CECR2: variants seen among roughly 807,000 people sequenced by gnomAD.
CECR2 encodes the protein chromatin remodeling regulator CECR2.
CECR2 carries 30 observed loss-of-function variants against 154.5 expected under a neutral mutation model. The ratio of observed to expected loss-of-function variants is 0.19; its 90% CI spans 0.15 to 0.26. CECR2 has a LOEUF of 0.26. Ranked by LOEUF, CECR2 falls within the 10% of genes least tolerant of loss-of-function variation. The pLI, the probability that CECR2 is intolerant of heterozygous loss-of-function variation, is 1.00. For missense variants in CECR2, 1,743 were observed against 1,829.3 expected (o/e 0.95, Z 0.86); for synonymous variants, 725 against 683.7 (o/e 1.06, Z -0.94).
intron 1 of CECR2, among the ~76,000 whole-genome samples, chr22:17,407,774 A>G (rs1031013746): frequency 3.9e-5 from 6 of 152,154 alleles, no homozygotes; most frequent in Admixed American, 2.0e-4. Context: ...GCCACAACTC[A>G]GGGGAAGAGG....
intron 1 of CECR2, among the ~76,000 whole-genome samples, chr22:17,407,633 G>A (rs143396104): frequency 6.6e-6 from 1 of 151,916 alleles, no homozygotes; most frequent in Non-Finnish European, 1.5e-5. Context: ...CCTTATTTTA[G>A]CCTCAGGTTT....
chr22:17,378,877 A>T (rs1448356930), intron 1 of CECR2, among the ~76,000 whole-genome samples: 1 of 152,164 alleles, frequency 6.6e-6, no homozygotes, highest in African/African-American at 2.4e-5. Flanking sequence ...AAATTTAAGG[A>T]AGTTAAAGTT....
At chr22:17,444,520 G>A (rs899572360) in intron 1 of CECR2, among the ~76,000 whole-genome samples, 17 of 151,930 alleles carry the variant, frequency 1.1e-4, no homozygotes, top group African/African-American at 7.3e-5. Context: ...CCAGCTACTC[G>A]GGAGACTGAG....
intron 1 of CECR2, among the ~76,000 whole-genome samples, chr22:17,447,033 C>CTGTTTTTGTTTTTTTTTTTTTTTT (rs1339121774): frequency 8.8e-6 from 1 of 114,110 alleles, no homozygotes; most frequent in African/African-American, 3.8e-5. Context: ...CGTTTACAAT[C>CTGTTTTTGTTTTTTTTTTTTTTTT]TTTTTTTTTT....
At chr22:17,458,288 G>A (rs1394552045) in intron 1 of CECR2, among the ~76,000 whole-genome samples, 5 of 152,004 alleles carry the variant, frequency 3.3e-5, no homozygotes, top group African/African-American at 4.8e-5. Flanking sequence ...GGTGGCGGGC[G>A]CCTGTAATCC....
At chr22:17,364,539 C>T (rs1160686771), upstream of CECR2, among the ~76,000 whole-genome samples, 1 of 151,924 alleles carries the variant, frequency 6.6e-6, no homozygotes, top group Non-Finnish European at 1.5e-5. Context: ...AGGCAGCGCA[C>T]AGTGGCTCAC....
chr22:17,386,010 C>T (rs533135963), intron 1 of CECR2, among the ~76,000 whole-genome samples: 16 of 152,284 alleles, frequency 1.1e-4, no homozygotes, highest in African/African-American at 3.4e-4. Flanking sequence ...TGCGGATTAC[C>T]CTACATCATG....
chr22:17,414,059 G>A (rs752039275), intron 1 of CECR2, among the ~76,000 whole-genome samples: 19 of 151,144 alleles, frequency 1.3e-4, no homozygotes, highest in Non-Finnish European at 2.4e-4. Flanking sequence ...TGCAAGCTCC[G>A]CCTCCCAGGT....
chr22:17,493,033 G>A (rs761677896), intron 2 of CECR2, among the ~76,000 whole-genome samples: 113 of 152,168 alleles, frequency 7.4e-4, no homozygotes, highest in Non-Finnish European at 6.9e-4. Flanking sequence ...GTGCAGTGGT[G>A]CAATCTCAGC....
chr22:17,534,317 A>C (rs1157434394), intron 9 of CECR2, among the ~76,000 whole-genome samples: 1 of 152,156 alleles, frequency 6.6e-6, no homozygotes, highest in East Asian at 1.9e-4. Context: ...GGGAGAGAAC[A>C]GTGGTACCAG....
Position 17,542,892 on chromosome 22 carries a change from C to A in CECR2, c.2749C>A (p.Pro917Thr), listed in dbSNP as rs1236274713. 1.2e-6 allele frequency: 2 copies of A among 1,613,990 alleles called. No homozygotes were observed. The highest frequency in any genetic ancestry group is 1.7e-6 in the Non-Finnish European group (2 of 1,179,886). ...ACACCCCCGTTTACCTGGCCCTTTT[C>A]CGCAGGTAGCTCACCCAATGTCAGT... Reference protein sequence around the residue: ...PAHPRLPGPFPQVAHPMSVTV... With the variant: ...PAHPRLPGPFTQVAHPMSVTV... The change falls in exon 16 of 19, where the codon CCG (proline) becomes ACG (threonine). Residue 917 changes from proline (P) to threonine (T), a missense_variant. This residue lies in a region of CECR2 where 1,250 missense variants were observed against 1,192.1 expected (regional missense o/e 1.05). Transcript: ENST00000262608.
At chr22:17,483,096 TGAA>T (rs2055357527) in intron 2 of CECR2, among the ~76,000 whole-genome samples, 1 of 152,240 alleles carries the variant, frequency 6.6e-6, no homozygotes, top group Non-Finnish European at 1.5e-5. Flanking sequence ...GTTACTGCCT[TGAA>T]GACGTTCCAG....
In CECR2 at chr22:17,556,086, A is replaced by G. The variant is rs2056769457; in HGVS notation, c.*3246A>G. On this transcript the variant is annotated 3_prime_UTR_variant, in exon 19 of 19. Coordinates refer to ENST00000262608, the MANE Select transcript of CECR2 (RefSeq NM_001290047.2). ...TTTGTTACAGTGAATGAATGTGGAG[A>G]ATAAATAAGAACAAACCCTGTAGGA... The G allele has an allele frequency of 6.6e-6, 1 of 152,306 alleles. No individual in the cohort carries two copies. The highest frequency in any genetic ancestry group is 1.9e-4 in the East Asian group (1 of 5,186). 9.4% of individuals were successfully genotyped at this position (152,306 alleles called of 1,614,324 possible).
chr22:17,376,157 C>T (rs2063116481), intron 1 of CECR2, among the ~76,000 whole-genome samples: 1 of 152,144 alleles, frequency 6.6e-6, no homozygotes, highest in Non-Finnish European at 1.5e-5. Context: ...TAATGTAACT[C>T]TTTAAAAGTG....
chr22:17,484,455 C>G (rs1035633774), intron 2 of CECR2, among the ~76,000 whole-genome samples: 1 of 152,112 alleles, frequency 6.6e-6, no homozygotes, highest in African/African-American at 2.4e-5. Context: ...TTAGAACTTT[C>G]TAATCACTGA....
chr22:17,478,644 C>T (rs1417464344), intron 2 of CECR2, among the ~76,000 whole-genome samples: 2 of 152,104 alleles, frequency 1.3e-5, no homozygotes, highest in Non-Finnish European at 2.9e-5. Flanking sequence ...CGTGAGCCAC[C>T]GCGCCTGGCC....
chr22:17,388,678 G>A (rs1260976153), intron 1 of CECR2, among the ~76,000 whole-genome samples: 1 of 152,154 alleles, frequency 6.6e-6, no homozygotes, highest in African/African-American at 2.4e-5. Context: ...CATTTTAGAA[G>A]TGAAAGCAAT....
chr22:17,473,555 T>C (rs2055162254), intron 1 of CECR2, among the ~76,000 whole-genome samples: 1 of 150,994 alleles, frequency 6.6e-6, no homozygotes, highest in African/African-American at 2.4e-5. Context: ...TTTAGAAACC[T>C]CCGAATTTTG....
rs2056771181 is a variant in CECR2, at chr22:17,556,230, T to C, written c.*3390T>C. 6.6e-6 allele frequency: 1 copy of C among 152,174 alleles called. No individual in the cohort carries two copies. Among genetic ancestry groups the C allele is most frequent in the South Asian group, 2.1e-4 (1 of 4,832 alleles). The allele number at this position is 152,174 out of a possible 1,614,324, so 9.4% of individuals were successfully genotyped here. On this transcript the variant is annotated 3_prime_UTR_variant, in exon 19 of 19. Transcript: ENST00000262608. ...AGCTGCTCATCAACAGTTCGTATCT[T>C]CTCACTGAGCCCGGGCCAGATGCTC... is the stretch of plus-strand genomic sequence containing the variant.
Sources: gnomAD v4.1 joint callset for allele counts (sites outside exome capture counted in the v4.1 genomes callset) on GRCh38, gnomAD v4.1.1 for gene constraint, gnomAD v4.1.1 regional missense constraint, MANE v1.5 for transcripts, NCBI Gene and HGNC (gene_info 2026-07-23, HGNC 2026-07-21) for gene names.